Variants in OPA3 observed in about 807,000 individuals in gnomAD.
The protein encoded by OPA3 is outer mitochondrial membrane lipid metabolism regulator OPA3.
A neutral mutation model predicts 4.0 loss-of-function variants in OPA3; 6 were observed. That is an observed-to-expected ratio of 1.51 (90% CI 0.83 to 2.99). OPA3 has a LOEUF of 2.99. Among genes scored for constraint, OPA3 ranks in the 30% most tolerant of loss-of-function variants. OPA3 has a pLI of 0.00. For missense variants in OPA3, 235 were observed against 256.2 expected (o/e 0.92, Z 0.56); for synonymous variants, 105 against 117.1 (o/e 0.90, Z 0.67).
rs1017033336 is a variant in OPA3 at position 45,574,945 on chromosome 19, A to G, written c.142+9678T>C. Among the ~76,000 whole-genome samples the G allele has an allele frequency of 4.6e-5, 7 of 151,802 alleles. No homozygotes were observed. In the East Asian group the frequency reaches 1.4e-3, roughly 29 times the overall value. On this transcript the variant is annotated intron_variant, in intron 1 of 1. Coordinates refer to ENST00000263275, the MANE Select transcript of OPA3 (RefSeq NM_025136.4). ...CAGAGGCTACGCTGAGAGGGAACCAACTCCCCAGTCCCAGTGCCAGTTCCA... is the reference window on the plus strand; with the variant it reads ...CAGAGGCTACGCTGAGAGGGAACCAGCTCCCCAGTCCCAGTGCCAGTTCCA...
intron 1 of OPA3, among the ~76,000 whole-genome samples, chr19:45,567,255 G>A (rs1366186291): frequency 1.3e-5 from 2 of 150,870 alleles, no homozygotes; most frequent in African/African-American, 4.9e-5. Flanking sequence ...CAGGAGGATC[G>A]CTTGATCCCA....
chr19:45,564,471 G>A, intron 1 of OPA3, among the ~76,000 whole-genome samples: 1 of 152,182 alleles, frequency 6.6e-6, no homozygotes, highest in East Asian at 1.9e-4. Flanking sequence ...GGGGGCAAGT[G>A]CCACACTGAA....
At chr19:45,528,711 G>T (rs866889485) in exon 2 of OPA3, 10 of 275,648 alleles carry the variant, frequency 3.6e-5, no homozygotes, top group Non-Finnish European at 2.7e-5. Context: ...CAAAAGAGGT[G>T]GACGTCCTGC....
chr19:45,572,179 G>T (rs762463775), intron 1 of OPA3, among the ~76,000 whole-genome samples: 132 of 137,120 alleles, frequency 9.6e-4, no homozygotes, highest in Non-Finnish European at 1.8e-3. Context: ...TGTTGGTCAG[G>T]TTGGTCTGAT....
rs1399180425 is a variant in OPA3 at position 45,580,578 on chromosome 19, G to C, written c.142+4045C>G. Among the ~76,000 whole-genome samples, 4 of 151,290 alleles carry C rather than the reference G, an allele frequency of 2.6e-5. No homozygotes were observed. The South Asian group carries it at 6.3e-4, about 24-fold the overall frequency. On this transcript the variant is annotated intron_variant, in intron 1 of 1. Transcript: ENST00000263275. ...AAAGTGCTGGGATTATAGGTGGGAG[G>C]CACCGCGCCCAGCACAGAAGCCTAT...
intron 1 of OPA3, among the ~76,000 whole-genome samples, chr19:45,583,830 G>A (rs559855101): frequency 5.2e-4 from 79 of 152,302 alleles, no homozygotes; most frequent in African/African-American, 1.8e-3. Context: ...CTGAGCTCGG[G>A]CGGCCCCCTC....
chr19:45,535,974 C>T (rs923843543), intron 1 of OPA3, among the ~76,000 whole-genome samples: 3 of 151,712 alleles, frequency 2.0e-5, no homozygotes, highest in Admixed American at 2.0e-4. Context: ...TGCCTGCAAC[C>T]CCAGTACGTT....
At chr19:45,576,259 A>G (rs1049939267) in intron 1 of OPA3, among the ~76,000 whole-genome samples, 5 of 142,030 alleles carry the variant, frequency 3.5e-5, no homozygotes, top group Non-Finnish European at 7.7e-5. Flanking sequence ...AACTGGGCGC[A>G]GTGGCTCACG....
chr19:45,560,390 C>A (rs1233913440), intron 1 of OPA3, among the ~76,000 whole-genome samples: 1 of 152,164 alleles, frequency 6.6e-6, no homozygotes, highest in African/African-American at 2.4e-5. Context: ...ACTGCACTGT[C>A]CCCAGCCCCA....
chr19:45,579,798 GC>G (rs1438923776), intron 1 of OPA3, among the ~76,000 whole-genome samples: 1 of 152,026 alleles, frequency 6.6e-6, no homozygotes, highest in Non-Finnish European at 1.5e-5. Context: ...AGGACCCAGT[GC>G]CAGAGGCTGG....
Position 45,546,327 on chromosome 19 carries a change from T to C in OPA3, c.*7187A>G. 2 of 670,472 alleles carry C rather than the reference T, an allele frequency of 3.0e-6. No individual in the cohort carries two copies. Among genetic ancestry groups the C allele is most frequent in the Non-Finnish European group, 3.7e-6 (2 of 543,154 alleles). The allele number at this position is 670,472 out of a possible 1,614,324, so 41.5% of individuals were successfully genotyped here. A position where few individuals can be genotyped will look rare whatever the true frequency, so the allele number is the denominator to read the frequency against. ...AACTTTCATTCCAATGATATGTACA[T>C]AAGCACATACACTACATATAATAGA... On this transcript the variant is annotated 3_prime_UTR_variant, in exon 2 of 2. Coordinates refer to ENST00000263275, the MANE Select transcript of OPA3 (RefSeq NM_025136.4).
At chr19:45,567,120 A>T (rs1179458633) in intron 1 of OPA3, among the ~76,000 whole-genome samples, 4 of 152,096 alleles carry the variant, frequency 2.6e-5, no homozygotes, top group African/African-American at 9.7e-5. Context: ...GGTGAGGATC[A>T]CCTGGGCCCA....
intron 1 of OPA3, among the ~76,000 whole-genome samples, chr19:45,558,333 A>G (rs1025522228): frequency 7.2e-5 from 11 of 152,252 alleles, no homozygotes; most frequent in African/African-American, 2.6e-4. Context: ...ACTGTCTCAA[A>G]AAAAGAAAAG....
At chr19:45,541,422 G>A (rs1969184209), downstream of OPA3, among the ~76,000 whole-genome samples, 1 of 152,034 alleles carries the variant, frequency 6.6e-6, no homozygotes, top group Non-Finnish European at 1.5e-5. Context: ...TCATTTAATT[G>A]GGGCCTGGTG....
downstream of OPA3, among the ~76,000 whole-genome samples, chr19:45,544,434 C>T (rs1215331644): frequency 6.6e-6 from 1 of 151,526 alleles, no homozygotes; most frequent in African/African-American, 2.4e-5. Flanking sequence ...GCAAGGCAGG[C>T]AGATCACCTG....
chr19:45,563,488 C>T (rs1296502461), intron 1 of OPA3, among the ~76,000 whole-genome samples: 1 of 151,230 alleles, frequency 6.6e-6, no homozygotes, highest in African/African-American at 2.4e-5. Context: ...CAAGAGAGAC[C>T]CTCTGACACT....
In OPA3 at chr19:45,555,846, G is replaced by A. The variant is rs895215484; in HGVS notation, c.143-1935C>T. Reference sequence around the variant, plus strand: ...GGTTTATCAGTATGTTGCCTAGGCTGGTCTTGAACTCCTGGGCTCAAGTGA... The same window carrying A: ...GGTTTATCAGTATGTTGCCTAGGCTAGTCTTGAACTCCTGGGCTCAAGTGA... On this transcript the variant is annotated intron_variant, in intron 1 of 1. Transcript: ENST00000263275. Among the ~76,000 whole-genome samples, 3 of 151,940 alleles carry A rather than the reference G, an allele frequency of 2.0e-5. No individual in the cohort carries two copies. In the South Asian group the frequency reaches 6.2e-4, roughly 32 times the overall value.
intron 1 of OPA3, among the ~76,000 whole-genome samples, chr19:45,573,411 A>G (rs1969717972): frequency 6.6e-6 from 1 of 152,168 alleles, no homozygotes; most frequent in Admixed American, 6.6e-5. Flanking sequence ...AGATCACGCC[A>G]CTGCACTCCG....
chr19:45,550,265 T>C lies in OPA3; in HGVS notation c.*3249A>G. 1 of 985,422 alleles carries C rather than the reference T, an allele frequency of 1.0e-6. No individual in the cohort carries two copies. The highest frequency in any genetic ancestry group is 1.2e-6 in the Non-Finnish European group (1 of 829,920). The allele number at this position is 985,422 out of a possible 1,614,324, so 61.0% of individuals were successfully genotyped here. ...TTGGTCCAGGCCAGTTTTACCTCTTTAGAGAAGGGAGGTGAGGATGGAAGT... is the reference window on the plus strand; with the variant it reads ...TTGGTCCAGGCCAGTTTTACCTCTTCAGAGAAGGGAGGTGAGGATGGAAGT... On this transcript the variant is annotated 3_prime_UTR_variant, in exon 2 of 2. Coordinates refer to ENST00000263275, the MANE Select transcript of OPA3 (RefSeq NM_025136.4).
Sources: allele counts gnomAD v4.1 joint callset (sites outside exome capture counted in the v4.1 genomes callset), GRCh38; gene constraint gnomAD v4.1.1; transcripts MANE v1.5; gene names NCBI Gene and HGNC (gene_info 2026-07-23, HGNC 2026-07-21).